ZFPM1: variants seen among roughly 807,000 people sequenced by gnomAD.
ZFPM1 encodes zinc finger protein, FOG family member 1.
ZFPM1 carries 28 observed loss-of-function variants against 46.3 expected under a neutral mutation model. That is an observed-to-expected ratio of 0.60 (90% CI 0.45 to 0.83). The LOEUF is 0.83. Ranked by LOEUF, ZFPM1 falls within the 40% of genes least tolerant of loss-of-function variation. The pLI, the probability that ZFPM1 is intolerant of heterozygous loss-of-function variation, is 0.00. For missense variants in ZFPM1, 1,878 were observed against 1,432.4 expected, an observed-to-expected ratio of 1.31 and a Z score of -5.02; for synonymous variants, 957 against 675.9, an observed-to-expected ratio of 1.42 and a Z score of -6.45.
In ZFPM1 at chr16:88,495,840, G is replaced by A. The variant is rs111944008; in HGVS notation, c.268+6687G>A. Reference sequence around the variant, plus strand: ...GTCTCGGGGCCTAGAGCTTTTTCCTGGTAACCAAATGTATGAAACAAAATG... The same window carrying A: ...GTCTCGGGGCCTAGAGCTTTTTCCTAGTAACCAAATGTATGAAACAAAATG... On this transcript the variant is annotated intron_variant, in intron 3 of 9. Coordinates refer to ENST00000319555, the MANE Select transcript of ZFPM1 (RefSeq NM_153813.3). Among the ~76,000 whole-genome samples the A allele has an allele frequency of 1.6e-3, 245 of 152,266 alleles. 1 individual carries two copies. Among genetic ancestry groups the A allele is most frequent in the African/African-American group, 5.7e-3 (237 of 41,556 alleles).
At chr16:88,518,910 G>A (rs1911563181) in intron 4 of ZFPM1, among the ~76,000 whole-genome samples, 1 of 148,546 alleles carries the variant, frequency 6.7e-6, no homozygotes, top group African/African-American at 2.5e-5. Flanking sequence ...ATGGAAGGAT[G>A]GATAGTGGGT....
intron 3 of ZFPM1, among the ~76,000 whole-genome samples, chr16:88,494,195 C>G (rs894011176): frequency 2.6e-5 from 4 of 152,116 alleles, no homozygotes; most frequent in African/African-American, 9.7e-5. Flanking sequence ...CGGGCAGGTT[C>G]TACGGGGAGA....
chr16:88,513,017 C>G (rs1393258666), intron 3 of ZFPM1: 1 of 152,278 alleles, frequency 6.6e-6, no homozygotes, highest in Admixed American at 6.5e-5. Flanking sequence ...TCCCGGTCCC[C>G]CATAGGGCCG....
In ZFPM1 at chr16:88,476,397, CG is replaced by C. The variant is rs560413649; in HGVS notation, c.41-9540del. Among the ~76,000 whole-genome samples the C allele has an allele frequency of 6.6e-4, 101 of 152,116 alleles. No homozygotes were observed. In the South Asian group the frequency reaches 0.014, roughly 21 times the overall value. On this transcript the variant is annotated intron_variant, in intron 1 of 9. Transcript: ENST00000319555. ...GGCACCGTTCCAGATGCTGGGGGTG[CG>C]GCCGTGAGCATACGTGAAGGGAGGG...
intron 5 of ZFPM1, 112 bp downstream of exon 5, chr16:88,527,028 G>A (rs1912391519): frequency 1.8e-5 from 26 of 1,450,418 alleles, no homozygotes; most frequent in Middle Eastern, 3.6e-4. Flanking sequence ...AGGGGATGGG[G>A]CACAGGGAGC....
intron 1 of ZFPM1, among the ~76,000 whole-genome samples, chr16:88,458,776 A>T (rs1907670287): frequency 1.3e-5 from 2 of 152,286 alleles, no homozygotes; most frequent in East Asian, 1.9e-4. Flanking sequence ...CAGAGGGGGA[A>T]ACTGAGGCTA....
Position 88,533,608 on chromosome 16 carries a change from G to C in ZFPM1, c.1650G>C (p.Val550=). 1 of 1,486,010 alleles carries C rather than the reference G, an allele frequency of 6.7e-7. No individual in the cohort carries two copies. The highest frequency in any genetic ancestry group is 2.3e-5 in the Admixed American group (1 of 43,632). 92.1% of individuals were successfully genotyped at this position (1,486,010 alleles called of 1,614,324 possible). The change falls in exon 10 of 10, where the codon GTG becomes GTC. Residue 550 remains valine, a synonymous_variant. Coordinates refer to ENST00000319555, the MANE Select transcript of ZFPM1 (RefSeq NM_153813.3). ...TCCTGGCCAAGATGTCCGAGCTGGT[G>C]CACAGCCGGCTGCAGCAGGGCGCGG... The part of the protein sequence containing the change: ...SEILAKMSEL[V]HSRLQQGAGA...
intron 3 of ZFPM1, among the ~76,000 whole-genome samples, chr16:88,507,641 C>A (rs1018522433): frequency 3.9e-4 from 59 of 152,206 alleles, no homozygotes; most frequent in Non-Finnish European, 8.8e-5. Flanking sequence ...AGAACACCAG[C>A]CCCCATGGGA....
At chr16:88,464,709 C>T (rs141249723) in intron 1 of ZFPM1, among the ~76,000 whole-genome samples, 29 of 152,390 alleles carry the variant, frequency 1.9e-4, no homozygotes, top group African/African-American at 5.5e-4. Flanking sequence ...CGGCCTGGTC[C>T]GCCCTGCACT....
At chr16:88,508,807 T>C (rs1910797025) in intron 3 of ZFPM1, among the ~76,000 whole-genome samples, 2 of 152,118 alleles carry the variant, frequency 1.3e-5, no homozygotes, top group African/African-American at 4.8e-5. Context: ...TACGGGCTTT[T>C]CCCCCCAGGA....
Position 88,535,542 on chromosome 16 carries a change from GACC to G in ZFPM1, c.*568_*570del, listed in dbSNP as rs1913212249. On this transcript the variant is annotated 3_prime_UTR_variant, in exon 10 of 10. Transcript: ENST00000319555. ...GTCCGATGTCCCCCATCCAGTCACA[GACC>G]ACCAGGGATGGCAGGGGTGGGGGCG... 1 of 152,448 alleles carries G rather than the reference GACC, an allele frequency of 6.6e-6. No individual in the cohort carries two copies. Among genetic ancestry groups the G allele is most frequent in the Non-Finnish European group, 1.5e-5 (1 of 68,174 alleles). 9.4% of individuals were successfully genotyped at this position (152,448 alleles called of 1,614,324 possible). A position where few individuals can be genotyped will look rare whatever the true frequency, so the allele number is the denominator to read the frequency against.
intron 4 of ZFPM1, among the ~76,000 whole-genome samples, chr16:88,521,389 G>A (rs1050039721): frequency 6.6e-6 from 1 of 152,000 alleles, no homozygotes; most frequent in Non-Finnish European, 1.5e-5. Flanking sequence ...TGGTTTCAGA[G>A]GACTGCTCAG....
intron 3 of ZFPM1, among the ~76,000 whole-genome samples, chr16:88,499,586 G>C (rs1326849573): frequency 1.3e-5 from 2 of 152,260 alleles, no homozygotes; most frequent in Admixed American, 6.5e-5. Context: ...GCAGGTCTGC[G>C]TGCAGTGTGG....
In ZFPM1 at chr16:88,486,765, A is replaced by T. The variant is rs968452518; in HGVS notation, c.145+722A>T. 1.1e-4 allele frequency among the ~76,000 whole-genome samples: 14 copies of T among 132,862 alleles called. No homozygotes were observed. In the Admixed American group the frequency reaches 1.1e-3, roughly 10 times the overall value. The allele number at this position is 132,862 out of a possible 152,430, so 87.2% of individuals were successfully genotyped here. A position where few individuals can be genotyped will look rare whatever the true frequency, so the allele number is the denominator to read the frequency against. On this transcript the variant is annotated intron_variant, in intron 2 of 9. Coordinates refer to ENST00000319555, the MANE Select transcript of ZFPM1 (RefSeq NM_153813.3). ...CGGATGGGTGCTGGGTGCACAGTGG[A>T]TACTGGGTGCAAGTGGGTGCTGGGT...
rs115247805 is a variant in ZFPM1 at position 88,482,175 on chromosome 16, A to G, written c.41-3764A>G. On this transcript the variant is annotated intron_variant, in intron 1 of 9. Transcript: ENST00000319555. ...TTCTTTGCTAGCCCCGGGCATGGGG[A>G]GAAAGCAGCAGAGAGCAGCTGTGGC... Among the ~76,000 whole-genome samples the G allele has an allele frequency of 3.5e-3, 531 of 152,186 alleles. 2 individuals carry two copies. Among genetic ancestry groups the G allele is most frequent in the African/African-American group, 0.012 (497 of 41,520 alleles).
chr16:88,508,124 C>T (rs1910758809), intron 3 of ZFPM1, among the ~76,000 whole-genome samples: 1 of 152,108 alleles, frequency 6.6e-6, no homozygotes, highest in South Asian at 2.1e-4. Context: ...TGGCGAAACC[C>T]CTTCTTTACT....
intron 3 of ZFPM1, among the ~76,000 whole-genome samples, chr16:88,496,388 C>A (rs1371745572): frequency 6.6e-6 from 1 of 152,004 alleles, no homozygotes; most frequent in Non-Finnish European, 1.5e-5. Flanking sequence ...GGGACCTGAC[C>A]CAGGTGCACC....
intron 1 of ZFPM1, among the ~76,000 whole-genome samples, chr16:88,484,975 C>A (rs1909138158): frequency 6.6e-6 from 1 of 152,216 alleles, no homozygotes. Flanking sequence ...GCACTCCACC[C>A]CCAGGTGCTG....
At position 88,534,780 on chromosome 16, in the gene ZFPM1, A is replaced by AGGCCGTGCCGCCCCCGC. The variant is rs1913154902; in HGVS notation, c.2823_2839dup (p.Pro947ArgfsTer65). On this transcript the variant is annotated frameshift_variant, in exon 10 of 10. Coordinates refer to ENST00000319555, the MANE Select transcript of ZFPM1 (RefSeq NM_153813.3). LOFTEE classifies it low-confidence loss of function (END_TRUNC). ...CCCCCGTCCCCGGCCGCCGCGCCCG[A>AGGCCGTGCCGCCCCCGC]GGCCGTGCCGCCCCCGCCGGCGCCC... The AGGCCGTGCCGCCCCCGC allele has an allele frequency of 1.6e-6, 2 of 1,276,132 alleles. No individual in the cohort carries two copies. The highest frequency in any genetic ancestry group is 2.0e-6 in the Non-Finnish European group (2 of 1,006,590). 79.1% of individuals were successfully genotyped at this position (1,276,132 alleles called of 1,614,324 possible). A position where few individuals can be genotyped will look rare whatever the true frequency, so the allele number is the denominator to read the frequency against.
Sources: gnomAD v4.1 joint callset for allele counts (sites outside exome capture counted in the v4.1 genomes callset) on GRCh38, gnomAD v4.1.1 for gene constraint, MANE v1.5 for transcripts, NCBI Gene and HGNC (gene_info 2026-07-23, HGNC 2026-07-21) for gene names.